SORCS2: variants seen among roughly 807,000 people sequenced by gnomAD.
SORCS2 encodes sortilin related VPS10 domain containing receptor 2, also known as VPS10 domain-containing receptor SorCS2.
In SORCS2, 100 loss-of-function variants were observed where a neutral mutation model predicts 141.6. That is an observed-to-expected ratio of 0.71 (90% CI 0.60 to 0.83). The LOEUF (loss-of-function observed/expected upper bound fraction) is 0.83. Among genes scored for constraint, SORCS2 ranks in the 40% least tolerant of loss-of-function variants. The pLI is 0.00. For synonymous variants in SORCS2, 789 were observed against 676.9 expected (o/e 1.17, Z -2.57); for missense variants, 1,646 against 1,560.2 (o/e 1.05, Z -0.93).
At chr4:7,464,920 G>A (rs576997157) in intron 2 of SORCS2, among the ~76,000 whole-genome samples, 34 of 152,324 alleles carry the variant, frequency 2.2e-4, no homozygotes, top group African/African-American at 7.0e-4. Flanking sequence ...CATGGGTCCC[G>A]GCAGCACAGC....
chr4:7,690,421 GGTGT>G (rs1228411416), intron 11 of SORCS2, among the ~76,000 whole-genome samples: 13 of 150,986 alleles, frequency 8.6e-5, no homozygotes, highest in African/African-American at 3.2e-4. Flanking sequence ...GATGATGGTG[GGTGT>G]GTGGGTGGGT....
intron 1 of SORCS2, among the ~76,000 whole-genome samples, chr4:7,374,188 T>C (rs1019118743): frequency 2.9e-5 from 4 of 139,722 alleles, no homozygotes; most frequent in Admixed American, 1.5e-4. Context: ...TCTTTCTTTC[T>C]TTCTTTCTTT....
intron 14 of SORCS2, among the ~76,000 whole-genome samples, chr4:7,704,923 C>T (rs558188425): frequency 7.9e-5 from 12 of 152,232 alleles, no homozygotes; most frequent in East Asian, 5.8e-4. Flanking sequence ...GTGTGTCTAA[C>T]GGCTCCTGCG....
intron 1 of SORCS2, among the ~76,000 whole-genome samples, chr4:7,235,527 C>G (rs1235399940): frequency 6.6e-6 from 1 of 152,224 alleles, no homozygotes; most frequent in Non-Finnish European, 1.5e-5. Flanking sequence ...GCAGAGAACA[C>G]AGAGCGGGTG....
chr4:7,563,399 C>T (rs761732453), intron 3 of SORCS2, among the ~76,000 whole-genome samples: 48 of 152,094 alleles, frequency 3.2e-4, no homozygotes, highest in African/African-American at 1.1e-3. Context: ...AGTAAGTGAC[C>T]TACCCAGGGC....
intron 2 of SORCS2, among the ~76,000 whole-genome samples, chr4:7,462,015 G>GTGCC (rs1386515517): frequency 6.6e-6 from 1 of 152,228 alleles, no homozygotes; most frequent in Non-Finnish European, 1.5e-5. Flanking sequence ...ACCTGTCTCT[G>GTGCC]TGCCCAAAGT....
At chr4:7,687,004 G>A (rs1272570821) in intron 10 of SORCS2, among the ~76,000 whole-genome samples, 3 of 152,330 alleles carry the variant, frequency 2.0e-5, no homozygotes, top group South Asian at 4.1e-4. Flanking sequence ...GTGGCGAGGG[G>A]TGGGGAGAGG....
At chr4:7,592,874 G>A (rs1717009560) in intron 3 of SORCS2, among the ~76,000 whole-genome samples, 1 of 152,216 alleles carries the variant, frequency 6.6e-6, no homozygotes, top group Non-Finnish European at 1.5e-5. Context: ...AGAATGCCTG[G>A]CTCATAGTAG....
chr4:7,682,567 C>A lies in SORCS2; in HGVS notation c.1342-176C>A, dbSNP rs536561797. ...AAAACTGGGGCCAGAGTCTTGAATC[C>A]CTGGCCCCTCTAAACCTCACTCACC... On this transcript the variant is annotated intron_variant, in intron 9 of 26. Transcript: ENST00000507866. 5.3e-5 allele frequency among the ~76,000 whole-genome samples: 8 copies of A among 152,262 alleles called. No homozygotes were observed. In the East Asian group the frequency reaches 1.4e-3, roughly 26 times the overall value.
chr4:7,484,049 G>A (rs912328611), intron 2 of SORCS2, among the ~76,000 whole-genome samples: 2 of 152,132 alleles, frequency 1.3e-5, no homozygotes, highest in African/African-American at 2.4e-5. Flanking sequence ...TACTTTCTTC[G>A]AGCATTTAAG....
chr4:7,333,627 A>C (rs952964630), intron 1 of SORCS2, among the ~76,000 whole-genome samples: 14 of 152,084 alleles, frequency 9.2e-5, no homozygotes, highest in Admixed American at 7.9e-4. Context: ...GGGACTGGCC[A>C]GGCCCCTGAC....
At chr4:7,562,066 G>T (rs576454197) in intron 3 of SORCS2, among the ~76,000 whole-genome samples, 3 of 152,330 alleles carry the variant, frequency 2.0e-5, no homozygotes, top group African/African-American at 7.2e-5. Flanking sequence ...CCTACCCCAT[G>T]GAGTTGACAA....
At chr4:7,263,048 A>G (rs1380352743) in intron 1 of SORCS2, among the ~76,000 whole-genome samples, 2 of 152,158 alleles carry the variant, frequency 1.3e-5, no homozygotes, top group African/African-American at 4.8e-5. Context: ...GCTGCAGAGG[A>G]AAGAACAGGG....
intron 2 of SORCS2, among the ~76,000 whole-genome samples, chr4:7,481,297 C>T (rs17828016): frequency 0.16 from 23,979 of 152,296 alleles, 1,941 homozygotes; most frequent in Admixed American, 0.19. Context: ...CAGGGGTCTT[C>T]GCTGCACAGG....
intron 1 of SORCS2, among the ~76,000 whole-genome samples, chr4:7,273,443 G>A (rs957159067): frequency 5.3e-5 from 8 of 152,158 alleles, no homozygotes; most frequent in Admixed American, 3.3e-4. Context: ...TGGAACACGG[G>A]TGTCTGCCAG....
At chr4:7,391,698 C>T (rs1408226531) in intron 1 of SORCS2, among the ~76,000 whole-genome samples, 4 of 152,190 alleles carry the variant, frequency 2.6e-5, no homozygotes, top group Admixed American at 2.6e-4. Context: ...TCTACCAGGA[C>T]CAGGGTCTGT....
intron 1 of SORCS2, among the ~76,000 whole-genome samples, chr4:7,350,394 A>C (rs1720870175): frequency 6.6e-6 from 1 of 152,260 alleles, no homozygotes; most frequent in African/African-American, 2.4e-5. Flanking sequence ...AGTGTGGAAC[A>C]GAACTTAGCA....
intron 1 of SORCS2, among the ~76,000 whole-genome samples, chr4:7,366,799 C>T (rs1362484756): frequency 1.3e-5 from 2 of 152,124 alleles, no homozygotes; most frequent in African/African-American, 2.4e-5. Flanking sequence ...GGGCCAGGGA[C>T]CTGCCCACTT....
At chr4:7,262,797 G>A (rs1489838520) in intron 1 of SORCS2, among the ~76,000 whole-genome samples, 1 of 152,206 alleles carries the variant, frequency 6.6e-6, no homozygotes, top group African/African-American at 2.4e-5. Context: ...TGGGTCTTGT[G>A]TGCCTTCCAG....
Sources: gnomAD v4.1 joint callset for allele counts (sites outside exome capture counted in the v4.1 genomes callset) on GRCh38, gnomAD v4.1.1 for gene constraint, MANE v1.5 for transcripts, NCBI Gene and HGNC (gene_info 2026-07-23, HGNC 2026-07-21) for gene names.